The following CNTNAP2 variants were observed in gnomAD, a reference collection of about 807,000 sequenced individuals.
The protein encoded by CNTNAP2 is contactin associated protein 2.
CNTNAP2 carries 98 observed loss-of-function variants against 155.2 expected under a neutral mutation model. The ratio of observed to expected loss-of-function variants is 0.63; its 90% CI spans 0.54 to 0.75. The LOEUF (loss-of-function observed/expected upper bound fraction) is 0.75. CNTNAP2 is among the 30% of genes least tolerant of loss of function. CNTNAP2 has a pLI of 0.00. For synonymous variants in CNTNAP2, 651 were observed against 631.2 expected, an observed-to-expected ratio of 1.03 and a Z score of -0.47; for missense variants, 1,727 against 1,688.1, an observed-to-expected ratio of 1.02 and a Z score of -0.40.
intron 21 of CNTNAP2, among the ~76,000 whole-genome samples, chr7:148,348,927 T>C (rs1292677898): frequency 2.6e-5 from 4 of 152,114 alleles, no homozygotes; most frequent in Non-Finnish European, 5.9e-5. Context: ...AATCCAACAA[T>C]TGTATGACCC....
At chr7:146,134,163 TC>T (rs1369454499) in intron 1 of CNTNAP2, among the ~76,000 whole-genome samples, 1 of 152,004 alleles carries the variant, frequency 6.6e-6, no homozygotes, top group Non-Finnish European at 1.5e-5. Flanking sequence ...GGTATTTTAT[TC>T]TTTTTGAAGC....
intron 15 of CNTNAP2, among the ~76,000 whole-genome samples, chr7:148,106,493 G>GAGATATATAT (rs1554472856): frequency 2.4e-5 from 3 of 124,926 alleles, no homozygotes; most frequent in African/African-American, 1.0e-4. Context: ...CACACTTTGA[G>GAGATATATAT]ATATATATAT....
At chr7:147,873,572 C>T (rs1391742650) in intron 13 of CNTNAP2, among the ~76,000 whole-genome samples, 1 of 152,280 alleles carries the variant, frequency 6.6e-6, no homozygotes, top group South Asian at 2.1e-4. Flanking sequence ...CCCACAGGGT[C>T]CCTCCCACAA....
chr7:148,215,520 T>A (rs1427696210), intron 18 of CNTNAP2, among the ~76,000 whole-genome samples: 2 of 151,844 alleles, frequency 1.3e-5, no homozygotes, highest in Non-Finnish European at 2.9e-5. Flanking sequence ...TTTCTTTTTT[T>A]TTTTTTTTTA....
intron 2 of CNTNAP2, among the ~76,000 whole-genome samples, chr7:146,807,973 G>GT (rs1270512699): frequency 6.6e-6 from 1 of 152,138 alleles, no homozygotes; most frequent in Non-Finnish European, 1.5e-5. Flanking sequence ...AGAAAAGTAA[G>GT]TTTTAATTGT....
intron 2 of CNTNAP2, among the ~76,000 whole-genome samples, chr7:146,795,084 C>T (rs1384391006): frequency 5.9e-5 from 9 of 152,050 alleles, no homozygotes; most frequent in Admixed American, 5.9e-4. Context: ...TAATCACAGA[C>T]ATAATGTAAG....
chr7:147,148,407 A>T (rs1256226305), intron 8 of CNTNAP2, among the ~76,000 whole-genome samples: 1 of 151,612 alleles, frequency 6.6e-6, no homozygotes, highest in African/African-American at 2.4e-5. Flanking sequence ...AAAAAAAAAA[A>T]AGTGGTGGGT....
chr7:146,203,560 C>T (rs1299839573), intron 1 of CNTNAP2, among the ~76,000 whole-genome samples: 1 of 152,148 alleles, frequency 6.6e-6, no homozygotes, highest in African/African-American at 2.4e-5. Flanking sequence ...GCTCTTTGAA[C>T]ACTTCTTTTT....
chr7:146,633,110 A>G (rs988951618), intron 1 of CNTNAP2, among the ~76,000 whole-genome samples: 2 of 152,138 alleles, frequency 1.3e-5, no homozygotes, highest in African/African-American at 4.8e-5. Context: ...CAATATGAAC[A>G]TACTTCCTTT....
intron 1 of CNTNAP2, among the ~76,000 whole-genome samples, chr7:146,127,335 G>A (rs898630074): frequency 3.3e-5 from 5 of 152,112 alleles, no homozygotes; most frequent in African/African-American, 7.2e-5. Context: ...ATACTAAGAC[G>A]CAGCAGGCAA....
At chr7:148,048,789 C>A (rs1802825215) in intron 15 of CNTNAP2, among the ~76,000 whole-genome samples, 1 of 152,174 alleles carries the variant, frequency 6.6e-6, no homozygotes, top group Non-Finnish European at 1.5e-5. Flanking sequence ...TCAAGCCTGG[C>A]TTTCATGGGC....
chr7:146,697,385 G>A (rs1800800004), intron 1 of CNTNAP2, among the ~76,000 whole-genome samples: 1 of 151,918 alleles, frequency 6.6e-6, no homozygotes, highest in Non-Finnish European at 1.5e-5. Context: ...CTACAGGCAT[G>A]TGCCACCACA....
Position 146,651,456 on chromosome 7 carries a change from C to T in CNTNAP2, c.98-122815C>T, listed in dbSNP as rs73739761. ...AGACTGACCAAGGGTTGTGATGATA[C>T]GCAATAATAGGAACTTACGTACTTT... On this transcript the variant is annotated intron_variant, in intron 1 of 23. Transcript: ENST00000361727. Among the ~76,000 whole-genome samples the T allele has an allele frequency of 1.3e-3, 202 of 152,214 alleles. 2 individuals carry two copies. Among genetic ancestry groups the T allele is most frequent in the African/African-American group, 3.5e-3 (146 of 41,568 alleles).
intron 13 of CNTNAP2, among the ~76,000 whole-genome samples, chr7:147,878,432 T>C (rs1037634639): frequency 9.4e-6 from 1 of 106,732 alleles, no homozygotes. Flanking sequence ...TTGATAGTAA[T>C]TTGAATTATT....
intron 1 of CNTNAP2, among the ~76,000 whole-genome samples, chr7:146,265,649 G>A (rs1354229996): frequency 6.6e-6 from 1 of 151,752 alleles, no homozygotes; most frequent in Non-Finnish European, 1.5e-5. Flanking sequence ...TTATAGAGAC[G>A]GGGTTTTGCC....
Position 148,083,925 on chromosome 7 carries a change from C to A in CNTNAP2, c.2384-34193C>A, listed in dbSNP as rs187515148. The stretch of plus-strand genomic sequence containing the variant: ...TTAAGAGGGAAAGAGAAAAAAATAC[C>A]TTCTTTCCTTACCATTTAAGCCAGT... On this transcript the variant is annotated intron_variant, in intron 15 of 23. Transcript: ENST00000361727. 2.0e-5 allele frequency among the ~76,000 whole-genome samples: 3 copies of A among 152,044 alleles called. No homozygotes were observed. In the East Asian group the frequency reaches 5.8e-4, roughly 29 times the overall value.
At chr7:148,030,944 T>TG (rs1802466257) in intron 15 of CNTNAP2, among the ~76,000 whole-genome samples, 1 of 152,142 alleles carries the variant, frequency 6.6e-6, no homozygotes, top group Admixed American at 6.5e-5. Context: ...TCATTAAAAA[T>TG]GGCAGAGAGA....
In CNTNAP2 at chr7:148,416,535, T is replaced by TG. The variant is rs1300121317; in HGVS notation, c.*919_*920insG. ...TTTGTTTGCTCTTTTTCTTTTATAG[T>TG]TTAGTTATAGCAAAAATATGGATAA... is the stretch of plus-strand genomic sequence containing the variant. On this transcript the variant is annotated 3_prime_UTR_variant, in exon 24 of 24. Transcript: ENST00000361727. The TG allele has an allele frequency of 1.6e-3, 1 of 636 alleles. No individual in the cohort carries two copies. Among genetic ancestry groups the TG allele is most frequent in the Admixed American group, 0.028 (1 of 36 alleles). The allele number at this position is 636 out of a possible 1,614,324, so 0.0% of individuals were successfully genotyped here. A position where few individuals can be genotyped will look rare whatever the true frequency, so the allele number is the denominator to read the frequency against.
intron 8 of CNTNAP2, among the ~76,000 whole-genome samples, chr7:147,294,821 G>C (rs1805399128): frequency 6.6e-6 from 1 of 151,888 alleles, no homozygotes; most frequent in Admixed American, 6.6e-5. Flanking sequence ...ACCACACCCG[G>C]CTAATTTTTT....
Sources: gnomAD v4.1 joint callset for allele counts (sites outside exome capture counted in the v4.1 genomes callset) on GRCh38, gnomAD v4.1.1 for gene constraint, MANE v1.5 for transcripts, NCBI Gene and HGNC (gene_info 2026-07-23, HGNC 2026-07-21) for gene names.